QTMAN: variants seen among roughly 807,000 people sequenced by gnomAD.
QTMAN encodes queuosine-tRNA mannosyltransferase.
At chr2:144,209,710 T>C in the QTMAN span, among the ~76,000 whole-genome samples, 1 of 152,334 alleles carries the variant, frequency 6.6e-6, no homozygotes, top group African/African-American at 2.4e-5. Flanking sequence ...ATAAAATCTC[T>C]AATATACATC....
chr2:143,989,465 C>T, the QTMAN span, among the ~76,000 whole-genome samples: 1 of 152,104 alleles, frequency 6.6e-6, no homozygotes, highest in South Asian at 2.1e-4. Context: ...TCCATCTCCT[C>T]CAATCACCAG....
the QTMAN span, among the ~76,000 whole-genome samples, chr2:143,966,734 A>G: frequency 6.6e-6 from 1 of 152,252 alleles, no homozygotes; most frequent in Admixed American, 6.5e-5. Context: ...TAATTCTACT[A>G]TACATTTTAG....
the QTMAN span, among the ~76,000 whole-genome samples, chr2:144,303,492 A>G: frequency 1.3e-5 from 2 of 152,220 alleles, no homozygotes; most frequent in African/African-American, 2.4e-5. Flanking sequence ...CTAGGAGAGG[A>G]GTATTTTCAA....
At chr2:144,053,737 C>T in the QTMAN span, among the ~76,000 whole-genome samples, 596 of 152,304 alleles carry the variant, frequency 3.9e-3, 16 homozygotes, top group Admixed American at 0.029. Flanking sequence ...TGCTTCTGGA[C>T]GTCATTTAGC....
the QTMAN span, among the ~76,000 whole-genome samples, chr2:143,998,146 A>G: frequency 6.6e-6 from 1 of 152,034 alleles, no homozygotes; most frequent in Non-Finnish European, 1.5e-5. Flanking sequence ...AAGGAAATTA[A>G]CTACATGTAA....
the QTMAN span, among the ~76,000 whole-genome samples, chr2:144,207,387 T>TA: frequency 6.6e-6 from 1 of 152,254 alleles, no homozygotes; most frequent in Non-Finnish European, 1.5e-5. Flanking sequence ...AAGCTACATT[T>TA]AAGTCACAAG....
chr2:144,108,442 A>T, the QTMAN span, among the ~76,000 whole-genome samples: 2 of 152,168 alleles, frequency 1.3e-5, no homozygotes, highest in African/African-American at 4.8e-5. Context: ...AATGGAGACC[A>T]CCTTGGCTAA....
the QTMAN span, among the ~76,000 whole-genome samples, chr2:143,967,519 TG>T: frequency 5.9e-5 from 9 of 151,938 alleles, no homozygotes; most frequent in Non-Finnish European, 1.2e-4. Context: ...TCAGTAAAGA[TG>T]GGGTTTCACC....
chr2:144,059,682 A>C, the QTMAN span, among the ~76,000 whole-genome samples: 1 of 152,112 alleles, frequency 6.6e-6, no homozygotes, highest in Admixed American at 6.5e-5. Context: ...AGAATGAACA[A>C]ATGCAAACTC....
chr2:144,190,501 T>C, the QTMAN span, among the ~76,000 whole-genome samples: 2 of 152,310 alleles, frequency 1.3e-5, no homozygotes, highest in Middle Eastern at 6.8e-3. Context: ...CAAGGTGATA[T>C]CTAAAATGCT....
At chr2:144,143,936 A>C in the QTMAN span, among the ~76,000 whole-genome samples, 1 of 151,956 alleles carries the variant, frequency 6.6e-6, no homozygotes, top group Admixed American at 6.6e-5. Flanking sequence ...TTGAGGAAGC[A>C]GGAGTCATAC....
At chr2:144,270,049 T>A in the QTMAN span, among the ~76,000 whole-genome samples, 2 of 152,208 alleles carry the variant, frequency 1.3e-5, no homozygotes, top group East Asian at 1.9e-4. Context: ...AATATTATAA[T>A]ACCACATTTT....
the QTMAN span, among the ~76,000 whole-genome samples, chr2:144,320,879 A>G: frequency 6.6e-6 from 1 of 152,180 alleles, no homozygotes; most frequent in East Asian, 1.9e-4. Flanking sequence ...CCTCCTGGTT[A>G]TGATTGCCCC....
the QTMAN span, among the ~76,000 whole-genome samples, chr2:144,316,058 C>T: frequency 6.6e-6 from 1 of 152,300 alleles, no homozygotes; most frequent in South Asian, 2.1e-4. Context: ...GCCTAGGCAA[C>T]ATGGCGAGAC....
the QTMAN span, among the ~76,000 whole-genome samples, chr2:144,322,629 G>A: frequency 6.6e-6 from 1 of 152,106 alleles, no homozygotes; most frequent in East Asian, 1.9e-4. Flanking sequence ...CAAATATGTA[G>A]TGAAACGGAA....
the QTMAN span, among the ~76,000 whole-genome samples, chr2:144,312,460 G>A: frequency 3.9e-5 from 6 of 151,996 alleles, no homozygotes; most frequent in East Asian, 1.9e-4. Context: ...CCACTTGCAC[G>A]ACAAAAAAAG....
chr2:144,140,963 G>C, the QTMAN span, among the ~76,000 whole-genome samples: 196 of 152,166 alleles, frequency 1.3e-3, no homozygotes, highest in Non-Finnish European at 1.7e-3. Context: ...TGCAGATGAG[G>C]ACTACCGTTT....
chr2:143,956,373 CTT>C, the QTMAN span, among the ~76,000 whole-genome samples: 1 of 152,046 alleles, frequency 6.6e-6, no homozygotes, highest in Non-Finnish European at 1.5e-5. Context: ...AAGACAAAGA[CTT>C]AGAGGTGTTC....
the QTMAN span, among the ~76,000 whole-genome samples, chr2:144,000,320 T>G: frequency 9.2e-5 from 14 of 152,192 alleles, no homozygotes; most frequent in East Asian, 2.1e-3. Context: ...TTTTTGTTTT[T>G]TAAATGTCAG....
Sources: gnomAD v4.1 joint callset for allele counts (sites outside exome capture counted in the v4.1 genomes callset) on GRCh38, gnomAD v4.1.1 for gene constraint, MANE v1.5 for transcripts, NCBI Gene and HGNC (gene_info 2026-07-23, HGNC 2026-07-21) for gene names.